Variants in FRYL observed in about 807,000 individuals in gnomAD.
The protein encoded by FRYL is FRY like transcription coactivator.
Under a neutral mutation model 351.2 loss-of-function variants are expected in FRYL, and 150 were observed. The observed-to-expected ratio is 0.43, with a 90% confidence interval of 0.37 to 0.49. FRYL has a LOEUF of 0.49. FRYL is among the 20% of genes least tolerant of loss of function. The pLI is 0.00. For synonymous variants in FRYL, 1,153 were observed against 1,257.1 expected, an observed-to-expected ratio of 0.92 and a Z score of 1.75; for missense variants, 3,036 against 3,619.3, an observed-to-expected ratio of 0.84 and a Z score of 4.13.
chr4:48,723,054 G>A lies in FRYL; in HGVS notation c.-383-12356C>T, dbSNP rs551386510. ...ATCAGCAAATTCAACTATCCTCCTG[G>A]ACATCTAAAGGACCTCAAACCTAAC... On this transcript the variant is annotated intron_variant, in intron 1 of 63. Coordinates refer to ENST00000358350, the MANE Select transcript of FRYL (RefSeq NM_015030.2). 9.7e-4 allele frequency among the ~76,000 whole-genome samples: 147 copies of A among 151,794 alleles called. 2 individuals carry two copies. Among genetic ancestry groups the A allele is most frequent in the South Asian group, 2.1e-3 (10 of 4,778 alleles).
intron 48 of FRYL, among the ~76,000 whole-genome samples, chr4:48,535,157 T>C (rs769000708): frequency 3.7e-4 from 57 of 152,264 alleles, no homozygotes; most frequent in Non-Finnish European, 5.6e-4. Flanking sequence ...AGCAAATGTA[T>C]CATCAAACTA....
In FRYL at chr4:48,576,274, T is replaced by C. The variant is rs549914084; in HGVS notation, c.2529-52A>G. 6.0e-6 allele frequency: 8 copies of C among 1,330,544 alleles called. No homozygotes were observed. In the Admixed American group the frequency reaches 2.1e-4, roughly 36 times the overall value. The allele number at this position is 1,330,544 out of a possible 1,614,324, so 82.4% of individuals were successfully genotyped here. On this transcript the variant is annotated intron_variant, in intron 23 of 63. Transcript: ENST00000358350. Reference sequence around the variant, plus strand: ...AGATATGAATAACACAACACGTTTTTAAAAGTTTATTTTAACTAATGCTAA... The same window carrying C: ...AGATATGAATAACACAACACGTTTTCAAAAGTTTATTTTAACTAATGCTAA...
chr4:48,535,892 G>T, intron 47 of FRYL, 65 bp from the exon 48 acceptor site: 1 of 1,183,468 alleles, frequency 8.4e-7, no homozygotes, highest in Non-Finnish European at 1.1e-6. Flanking sequence ...TTGATTTTAT[G>T]CTAAATGTAT....
chr4:48,773,538 G>A (rs562619974), intron 1 of FRYL, among the ~76,000 whole-genome samples: 5 of 152,074 alleles, frequency 3.3e-5, no homozygotes, highest in Non-Finnish European at 4.4e-5. Flanking sequence ...TTAGTATAAG[G>A]AAGTGTTACC....
rs189109358 is a variant in FRYL at position 48,571,973 on chromosome 4, T to C, written c.2905-1055A>G. On this transcript the variant is annotated intron_variant, in intron 26 of 63. Transcript: ENST00000358350. ...TTCTCTAACAAGTCATCCAGCACTG[T>C]AACCAAACTGATCATTCTGAAACAA... 5.3e-5 allele frequency: 52 copies of C among 985,372 alleles called. 1 individual carries two copies. In the East Asian group the frequency reaches 2.7e-3, roughly 52 times the overall value. The allele number at this position is 985,372 out of a possible 1,614,324, so 61.0% of individuals were successfully genotyped here.
chr4:48,592,292 T>C (rs1451505201), intron 16 of FRYL, among the ~76,000 whole-genome samples: 2 of 151,952 alleles, frequency 1.3e-5, no homozygotes, highest in Non-Finnish European at 2.9e-5. Flanking sequence ...TTTCAGTGTA[T>C]TGCAATTTGC....
chr4:48,764,007 A>G (rs552753340), intron 1 of FRYL, among the ~76,000 whole-genome samples: 1 of 152,122 alleles, frequency 6.6e-6, no homozygotes, highest in East Asian at 1.9e-4. Context: ...CGTCTCTACT[A>G]AAAATATAAA....
intron 35 of FRYL, among the ~76,000 whole-genome samples, chr4:48,554,459 C>T (rs1304697456): frequency 6.6e-6 from 1 of 152,142 alleles, no homozygotes; most frequent in Non-Finnish European, 1.5e-5. Context: ...CCTGCGTCAG[C>T]CTCCGAGTAG....
At chr4:48,523,163 T>A in intron 53 of FRYL, 59 bp from the exon 54 acceptor site, 1 of 1,148,594 alleles carries the variant, frequency 8.7e-7, no homozygotes, top group Non-Finnish European at 1.3e-6. Flanking sequence ...ATGTACTAAA[T>A]GTAATATACC....
intron 1 of FRYL, among the ~76,000 whole-genome samples, chr4:48,718,873 C>T (rs1192019300): frequency 4.0e-5 from 6 of 151,476 alleles, no homozygotes; most frequent in Non-Finnish European, 8.9e-5. Context: ...ATTACTTACA[C>T]TCATGCTCCA....
At position 48,684,704 on chromosome 4, in the gene FRYL, C is replaced by G. The variant is rs1034763260; in HGVS notation, c.-112G>C. ...ACTTGAGACAGTAATTTCTTGGTGA[C>G]TTGGATCATCTAATCCTATGACTCT... On this transcript the variant is annotated 5_prime_UTR_variant, in exon 3 of 64. Coordinates refer to ENST00000358350, the MANE Select transcript of FRYL (RefSeq NM_015030.2). 1.3e-5 allele frequency: 2 copies of G among 152,136 alleles called. No homozygotes were observed. Among genetic ancestry groups the G allele is most frequent in the African/African-American group, 4.8e-5 (2 of 41,432 alleles). 9.4% of individuals were successfully genotyped at this position (152,136 alleles called of 1,614,324 possible). A position where few individuals can be genotyped will look rare whatever the true frequency, so the allele number is the denominator to read the frequency against.
At chr4:48,702,514 G>A (rs1438730892) in intron 2 of FRYL, among the ~76,000 whole-genome samples, 48 of 123,290 alleles carry the variant, frequency 3.9e-4, no homozygotes, top group Admixed American at 1.2e-3. Flanking sequence ...GGTGGCTCAC[G>A]CTTGTAATCC....
intron 11 of FRYL, 52 bp downstream of exon 11, chr4:48,605,689 A>G: frequency 6.1e-6 from 7 of 1,151,864 alleles, no homozygotes; most frequent in Non-Finnish European, 9.1e-6. Context: ...TATAAGGTTG[A>G]TAAGGTTCTT....
chr4:48,747,970 G>T (rs907076850), intron 1 of FRYL, among the ~76,000 whole-genome samples: 7 of 152,204 alleles, frequency 4.6e-5, no homozygotes, highest in Non-Finnish European at 1.0e-4. Flanking sequence ...ATCAGGCCAG[G>T]CGTGGTGGCT....
intron 2 of FRYL, among the ~76,000 whole-genome samples, chr4:48,688,574 A>C (rs1765385467): frequency 6.6e-6 from 1 of 152,096 alleles, no homozygotes; most frequent in South Asian, 2.1e-4. Context: ...TTCAATTGCT[A>C]AGTAATTCAC....
Position 48,510,828 on chromosome 4 carries a change from A to AACTT in FRYL, c.8295+3_8295+6dup, listed in dbSNP as rs754998076. On this transcript the variant is annotated splice_region_variant and intron_variant, in intron 58 of 63. Coordinates refer to ENST00000358350, the MANE Select transcript of FRYL (RefSeq NM_015030.2). ...TCTTTATAATAAACCTGCATGTAAA[A>AACTT]ACTTACTGTTTCAGCATCCACAAAG... is the stretch of plus-strand genomic sequence containing the variant. 1.7e-5 allele frequency: 28 copies of AACTT among 1,606,730 alleles called. No homozygotes were observed. Among genetic ancestry groups the AACTT allele is most frequent in the Non-Finnish European group, 2.4e-5 (28 of 1,175,822 alleles).
chr4:48,747,977 G>A (rs1772853565), intron 1 of FRYL, among the ~76,000 whole-genome samples: 1 of 152,236 alleles, frequency 6.6e-6, no homozygotes, highest in Middle Eastern at 3.2e-3. Context: ...CAGGCGTGGT[G>A]GCTCACGCCT....
intron 3 of FRYL, among the ~76,000 whole-genome samples, chr4:48,674,106 C>T (rs1359675723): frequency 1.3e-5 from 2 of 152,130 alleles, no homozygotes; most frequent in Non-Finnish European, 2.9e-5. Context: ...TAACCCTTAT[C>T]CTTGATTCCA....
chr4:48,755,805 T>C (rs1336331397), intron 1 of FRYL, among the ~76,000 whole-genome samples: 2 of 152,054 alleles, frequency 1.3e-5, no homozygotes, highest in Non-Finnish European at 2.9e-5. Flanking sequence ...TATGTATCAC[T>C]CAAGGCAACA....
Sources: allele counts gnomAD v4.1 joint callset (sites outside exome capture counted in the v4.1 genomes callset), GRCh38; gene constraint gnomAD v4.1.1; transcripts MANE v1.5; gene names NCBI Gene and HGNC (gene_info 2026-07-23, HGNC 2026-07-21).